RCOR1: variants seen among roughly 807,000 people sequenced by gnomAD.
RCOR1 encodes REST corepressor.
In RCOR1, 12 loss-of-function variants were observed where a neutral mutation model predicts 64.0. The observed-to-expected ratio is 0.19, with a 90% CI of 0.12 to 0.30. RCOR1 has a LOEUF of 0.30. Ranked by LOEUF, RCOR1 falls within the 10% of genes least tolerant of loss-of-function variation. The probability of loss-of-function intolerance (pLI) is 1.00; values close to 1 mark genes in which losing one functional copy is unlikely to be tolerated. For synonymous variants in RCOR1, 279 were observed against 227.2 expected, an observed-to-expected ratio of 1.23 and a Z score of -2.05; for missense variants, 502 against 621.2, an observed-to-expected ratio of 0.81 and a Z score of 2.04.
chr14:102,606,934 G>GTTTT (rs11464849), intron 2 of RCOR1, among the ~76,000 whole-genome samples: 5 of 112,066 alleles, frequency 4.5e-5, no homozygotes, highest in Non-Finnish European at 7.4e-5. Flanking sequence ...TTTTGTGTTA[G>GTTTT]TTTTTTTTTT....
intron 2 of RCOR1, chr14:102,629,935 C>T (rs928743677): frequency 8.9e-5 from 81 of 908,790 alleles, no homozygotes; most frequent in Non-Finnish European, 9.5e-5. Flanking sequence ...CTTGAAGTGA[C>T]TTGACTATTA....
chr14:102,618,447 A>AG (rs1595196778), intron 2 of RCOR1, among the ~76,000 whole-genome samples: 1 of 151,798 alleles, frequency 6.6e-6, no homozygotes, highest in Admixed American at 6.6e-5. Context: ...CCATGTCTTC[A>AG]GGGGGAAAAA....
At chr14:102,604,732 A>G (rs1893469750) in intron 2 of RCOR1, among the ~76,000 whole-genome samples, 1 of 152,156 alleles carries the variant, frequency 6.6e-6, no homozygotes, top group African/African-American at 2.4e-5. Context: ...ATTTATAAGT[A>G]TAATCAGAAT....
At chr14:102,661,894 C>G (rs1296463150) in intron 2 of RCOR1, among the ~76,000 whole-genome samples, 1 of 152,102 alleles carries the variant, frequency 6.6e-6, no homozygotes. Context: ...GTAGCTGGAA[C>G]TACAGGTGTG....
chr14:102,708,421 A>T, intron 5 of RCOR1, 44 bp from the exon 6 acceptor site: 1 of 1,140,774 alleles, frequency 8.8e-7, no homozygotes, highest in Non-Finnish European at 1.3e-6. Flanking sequence ...ATTTTTAAAG[A>T]TTACTTTTTT....
chr14:102,727,289 C>T lies in RCOR1; in HGVS notation c.*783C>T, dbSNP rs1896287457. On this transcript the variant is annotated 3_prime_UTR_variant, in exon 12 of 12. Transcript: ENST00000262241. Reference sequence around the variant, plus strand: ...CACCCCATCTTTTCCTGACCCCCCCCACCCCCCCACCTCCAAGAGGTTCGG... The same window carrying T: ...CACCCCATCTTTTCCTGACCCCCCCTACCCCCCCACCTCCAAGAGGTTCGG... The T allele has an allele frequency of 7.1e-6, 1 of 141,678 alleles. No homozygotes were observed. Among genetic ancestry groups the T allele is most frequent in the South Asian group, 2.5e-4 (1 of 3,922 alleles). 8.8% of individuals were successfully genotyped at this position (141,678 alleles called of 1,614,324 possible). A position where few individuals can be genotyped will look rare whatever the true frequency, so the allele number is the denominator to read the frequency against.
At chr14:102,677,247 C>T (rs1224204610) in intron 2 of RCOR1, among the ~76,000 whole-genome samples, 6 of 122,108 alleles carry the variant, frequency 4.9e-5, no homozygotes, top group African/African-American at 2.1e-4. Flanking sequence ...GGTGGCTGGC[C>T]GGGCAGAGGG....
intron 2 of RCOR1, 45 bp from the exon 3 acceptor site, chr14:102,681,850 A>G (rs1233950560): frequency 4.5e-6 from 6 of 1,345,704 alleles, no homozygotes; most frequent in East Asian, 2.4e-5. Context: ...AGCTTATTAT[A>G]TGTGTTAAAT....
At position 102,592,654 on chromosome 14, in the gene RCOR1, C is replaced by T. The variant is rs916141810; in HGVS notation, c.-233C>T. On this transcript the variant is annotated 5_prime_UTR_variant, in exon 1 of 12. Coordinates refer to ENST00000262241, the MANE Select transcript of RCOR1 (RefSeq NM_015156.4). Reference sequence around the variant, plus strand: ...TCGCTGCTCCCGGAGTAGTTGGTGCCAGTGAAGTGAGGGCGGCGATGAGAG... The same window carrying T: ...TCGCTGCTCCCGGAGTAGTTGGTGCTAGTGAAGTGAGGGCGGCGATGAGAG... 8 of 1,228,374 alleles carry T rather than the reference C, an allele frequency of 6.5e-6. No homozygotes were observed. The African/African-American group carries it at 7.8e-5, about 12-fold the overall frequency. The allele number at this position is 1,228,374 out of a possible 1,614,324, so 76.1% of individuals were successfully genotyped here. A position where few individuals can be genotyped will look rare whatever the true frequency, so the allele number is the denominator to read the frequency against.
At position 102,684,737 on chromosome 14, in the gene RCOR1, T is replaced by C. The variant is rs576584644; in HGVS notation, c.445+2759T>C. On this transcript the variant is annotated intron_variant, in intron 3 of 11. Transcript: ENST00000262241. ...TATTTCTTCCAATTTTTTTTGTATG[T>C]ATTTATATAAGTGAGATGATAGATT... 2.7e-3 allele frequency among the ~76,000 whole-genome samples: 408 copies of C among 152,334 alleles called. 2 individuals are homozygous for C. Among genetic ancestry groups the C allele is most frequent in the Middle Eastern group, 0.014 (4 of 294 alleles).
intron 2 of RCOR1, among the ~76,000 whole-genome samples, chr14:102,677,013 C>T (rs1384072147): frequency 2.6e-4 from 29 of 110,096 alleles, no homozygotes; most frequent in Non-Finnish European, 1.1e-4. Context: ...CCGGACGGGG[C>T]GGCCGGCCGG....
chr14:102,592,934 AG>A lies in RCOR1; in HGVS notation c.51del (p.Arg18GlyfsTer88). The A allele has an allele frequency of 8.1e-7, 1 of 1,228,848 alleles. No homozygotes were observed. 76.1% of individuals were successfully genotyped at this position (1,228,848 alleles called of 1,614,324 possible). ...KGPEVSGKRR[G>X]RNNAAASASA... is the part of the protein sequence containing the mutation. ...GCCCCGAGGTCTCAGGGAAGCGGAG[AG>A]GGAGGAACAACGCGGCCGCCTCCGC... On this transcript the variant is annotated frameshift_variant, in exon 1 of 12. Coordinates refer to ENST00000262241, the MANE Select transcript of RCOR1 (RefSeq NM_015156.4). LOFTEE classifies it high-confidence loss of function.
intron 4 of RCOR1, among the ~76,000 whole-genome samples, chr14:102,706,353 A>G (rs958659221): frequency 1.3e-5 from 2 of 152,042 alleles, no homozygotes; most frequent in East Asian, 1.9e-4. Context: ...CAAAAACACA[A>G]TTTTAAAGTG....
chr14:102,593,552 G>T (rs1893179196), intron 2 of RCOR1, among the ~76,000 whole-genome samples: 1 of 152,250 alleles, frequency 6.6e-6, no homozygotes, highest in African/African-American at 2.4e-5. Flanking sequence ...CAGGGCCGGC[G>T]CCGCTGCCCC....
chr14:102,702,658 C>T (rs981415645), intron 4 of RCOR1, among the ~76,000 whole-genome samples: 1 of 152,118 alleles, frequency 6.6e-6, no homozygotes, highest in Non-Finnish European at 1.5e-5. Flanking sequence ...TCAGAGAAGA[C>T]CTTCAGTTTA....
At chr14:102,620,247 A>G (rs1264642622) in intron 2 of RCOR1, among the ~76,000 whole-genome samples, 1 of 150,530 alleles carries the variant, frequency 6.6e-6, no homozygotes, top group Non-Finnish European at 1.5e-5. Flanking sequence ...ACACACACAC[A>G]CACACCCCCC....
rs1248088779 is a variant in RCOR1, at chr14:102,647,493, T to G, written c.362-34402T>G. Reference sequence around the variant, plus strand: ...CACCATGCTTGGCTAATTTTTTGTATTTTTAGTAGAGACGGGGTTTCCCCA... The same window carrying G: ...CACCATGCTTGGCTAATTTTTTGTAGTTTTAGTAGAGACGGGGTTTCCCCA... On this transcript the variant is annotated intron_variant, in intron 2 of 11. Coordinates refer to ENST00000262241, the MANE Select transcript of RCOR1 (RefSeq NM_015156.4). 2.0e-5 allele frequency among the ~76,000 whole-genome samples: 3 copies of G among 151,846 alleles called. No individual in the cohort carries two copies. In the East Asian group the frequency reaches 5.8e-4, roughly 29 times the overall value.
chr14:102,721,149 T>C, intron 9 of RCOR1, 65 bp downstream of exon 9: 1 of 1,107,744 alleles, frequency 9.0e-7, no homozygotes, highest in South Asian at 1.4e-5. Flanking sequence ...GAATTTAATA[T>C]CGGTGTGATA....
At chr14:102,629,967 A>G (rs1349115856) in intron 2 of RCOR1, 2 of 971,886 alleles carry the variant, frequency 2.1e-6, no homozygotes, top group East Asian at 1.1e-4. Context: ...GTGACCTCCT[A>G]GATAAAGAGA....
Sources: gnomAD v4.1 joint callset for allele counts (sites outside exome capture counted in the v4.1 genomes callset) on GRCh38, gnomAD v4.1.1 for gene constraint, MANE v1.5 for transcripts, NCBI Gene and HGNC (gene_info 2026-07-23, HGNC 2026-07-21) for gene names.